The following CASK variants were observed in gnomAD, a reference collection of about 807,000 sequenced individuals.
CASK encodes the protein calcium/calmodulin dependent serine protein kinase.
In CASK, 4 loss-of-function variants were observed where a neutral mutation model predicts 82.9. The ratio of observed to expected loss-of-function variants is 0.05; its 90% CI spans 0.02 to 0.11. CASK has a LOEUF of 0.11. Ranked by LOEUF, CASK falls within the 10% of genes least tolerant of loss-of-function variation. The pLI, the probability that CASK is intolerant of heterozygous loss-of-function variation, is 1.00. For synonymous variants in CASK, 259 were observed against 253.5 expected (o/e 1.02, Z -0.20); for missense variants, 358 against 720.9 (o/e 0.50, Z 5.76).
At chrX:41,529,284 A>G (rs1334222398) in intron 25 of CASK, among the ~76,000 whole-genome samples, 1 of 111,658 alleles carries the variant, frequency 9.0e-6, no homozygotes, top group Admixed American at 9.5e-5. Context: ...GGGTGTCCTG[A>G]GGAGGCTGAG....
chrX:41,785,990 C>T (rs760281157), intron 3 of CASK, among the ~76,000 whole-genome samples: 13 of 112,227 alleles, frequency 1.2e-4, no homozygotes, highest in African/African-American at 2.6e-4. Flanking sequence ...AGAGGCCCAA[C>T]GGACAAGGAA....
intron 1 of CASK, among the ~76,000 whole-genome samples, chrX:41,910,853 C>T (rs764711656): frequency 1.8e-5 from 2 of 112,336 alleles, no homozygotes; most frequent in African/African-American, 3.2e-5. Context: ...ACACAGATTA[C>T]TTTCACATCC....
At chrX:41,855,448 C>T (rs928046624) in intron 1 of CASK, among the ~76,000 whole-genome samples, 6 of 111,199 alleles carry the variant, frequency 5.4e-5, no homozygotes, top group African/African-American at 1.6e-4. Flanking sequence ...GAGGTTTTTG[C>T]GATTTAACCC....
At chrX:41,736,314 G>A (rs2068496423) in intron 5 of CASK, among the ~76,000 whole-genome samples, 1 of 111,255 alleles carries the variant, frequency 9.0e-6, no homozygotes, top group African/African-American at 3.3e-5. Flanking sequence ...GGGCAACAGG[G>A]TGAAACCTCG....
At chrX:41,668,363 T>C (rs1472667107) in intron 6 of CASK, among the ~76,000 whole-genome samples, 1 of 112,014 alleles carries the variant, frequency 8.9e-6, no homozygotes, top group East Asian at 2.8e-4. Flanking sequence ...GCACTCCAAC[T>C]AGAAGGAATA....
chrX:41,802,796 C>T (rs888506897), intron 2 of CASK, among the ~76,000 whole-genome samples: 2 of 111,239 alleles, frequency 1.8e-5, no homozygotes, highest in African/African-American at 6.5e-5. Context: ...GTGATGTGCC[C>T]ATGTCACACA....
At position 41,829,734 on chromosome X, in the gene CASK, T is replaced by TATATATATAC. The variant is rs2070754361; in HGVS notation, c.172+23380_172+23381insGTATATATAT. ...ATATATATATATATATATATATATA[T>TATATATATAC]ATATATATATATATATATATATGTC... On this transcript the variant is annotated intron_variant, in intron 2 of 26. Transcript: ENST00000378163. Among the ~76,000 whole-genome samples, 9 of 29,675 alleles carry TATATATATAC rather than the reference T, an allele frequency of 3.0e-4. 1 individual carries two copies. Among genetic ancestry groups the TATATATATAC allele is most frequent in the Non-Finnish European group, 4.5e-4 (7 of 15,577 alleles). The allele number at this position is 29,675 out of a possible 115,157, so 25.8% of individuals were successfully genotyped here.
intron 2 of CASK, among the ~76,000 whole-genome samples, chrX:41,803,484 T>C (rs1308891620): frequency 9.1e-6 from 1 of 110,378 alleles, no homozygotes; most frequent in Non-Finnish European, 1.9e-5. Context: ...CCCAGCTACT[T>C]GGGAAGCCGA....
At chrX:41,634,290 G>A (rs780683199) in intron 9 of CASK, among the ~76,000 whole-genome samples, 38 of 112,596 alleles carry the variant, frequency 3.4e-4, no homozygotes, top group Non-Finnish European at 6.8e-4. Flanking sequence ...TTAGTTCCTT[G>A]AGGATGGTAG....
chrX:41,681,584 A>G (rs1272637153), intron 5 of CASK, among the ~76,000 whole-genome samples: 2 of 111,516 alleles, frequency 1.8e-5, no homozygotes, highest in Admixed American at 9.6e-5. Flanking sequence ...CACAGTTCTC[A>G]TATTATTTTC....
At chrX:41,637,153 A>G (rs2066568532) in intron 8 of CASK, among the ~76,000 whole-genome samples, 1 of 108,593 alleles carries the variant, frequency 9.2e-6, no homozygotes, top group African/African-American at 3.4e-5. Flanking sequence ...GAGTATTGCT[A>G]TGTTGCCCAG....
chrX:41,865,022 A>G (rs1177795558), intron 1 of CASK, among the ~76,000 whole-genome samples: 1 of 112,301 alleles, frequency 8.9e-6, no homozygotes. Context: ...AAATAAGAGT[A>G]TAGTGGATGT....
rs1273214570 is a variant in CASK, at chrX:41,727,833, A to G, written c.429+11551T>C. The G allele has an allele frequency of 6.7e-6, 8 of 1,186,810 alleles. No individual in the cohort carries two copies. In the Admixed American group the frequency reaches 1.6e-4, roughly 23 times the overall value. On this transcript the variant is annotated intron_variant, in intron 5 of 26. Transcript: ENST00000378163. ...GCTTCCTTCCTTATAGTATTTTTAA[A>G]CCCATTTTTTATGTTCTACACCAAA...
intron 1 of CASK, among the ~76,000 whole-genome samples, chrX:41,908,801 T>C (rs1195394): frequency 0.19 from 21,598 of 111,477 alleles, 1,656 homozygotes; most frequent in Middle Eastern, 0.29. Context: ...ACAGCACGAA[T>C]GCTTTATCTT....
At chrX:41,917,304 A>C (rs1482437704) in intron 1 of CASK, among the ~76,000 whole-genome samples, 1 of 112,292 alleles carries the variant, frequency 8.9e-6, no homozygotes, top group African/African-American at 3.2e-5. Context: ...ATACATCCAA[A>C]ATGCCTAACA....
chrX:41,695,473 G>A (rs768197943), intron 5 of CASK: 2 of 440,395 alleles, frequency 4.5e-6, no homozygotes, highest in African/African-American at 2.5e-5. Flanking sequence ...GTGCTGGGAA[G>A]CCCAGCCTAT....
intron 1 of CASK, among the ~76,000 whole-genome samples, chrX:41,914,606 T>C (rs1455486428): frequency 8.9e-6 from 1 of 112,206 alleles, no homozygotes. Flanking sequence ...CAGTTTCCTA[T>C]AGTAGAAAGA....
chrX:41,703,382 G>A (rs762665794), intron 5 of CASK, among the ~76,000 whole-genome samples: 6 of 112,190 alleles, frequency 5.3e-5, no homozygotes, highest in Admixed American at 2.8e-4. Flanking sequence ...TCACTCTGAC[G>A]TATATTTTTG....
chrX:41,777,474 G>A (rs1005959588), intron 3 of CASK, among the ~76,000 whole-genome samples: 8 of 103,405 alleles, frequency 7.7e-5, no homozygotes, highest in Non-Finnish European at 1.4e-4. Flanking sequence ...GGGCGACAGA[G>A]CGAGACATCG....
Sources: allele counts gnomAD v4.1 joint callset (sites outside exome capture counted in the v4.1 genomes callset), GRCh38; gene constraint gnomAD v4.1.1; transcripts MANE v1.5; gene names NCBI Gene and HGNC (gene_info 2026-07-23, HGNC 2026-07-21).